PPP3CC: variants seen among roughly 807,000 people sequenced by gnomAD.
PPP3CC encodes serine/threonine-protein phosphatase 2B catalytic subunit gamma isoform.
In PPP3CC, 35 loss-of-function variants were observed where a neutral mutation model predicts 60.3. The ratio of observed to expected loss-of-function variants is 0.58; its 90% CI spans 0.44 to 0.77. PPP3CC has a LOEUF of 0.77. PPP3CC is among the 30% of genes least tolerant of loss of function. The probability of loss-of-function intolerance (pLI) is 0.00; values close to 1 mark genes in which losing one functional copy is unlikely to be tolerated. For missense variants in PPP3CC, 570 were observed against 628.9 expected (o/e 0.91, Z 1.00); for synonymous variants, 206 against 224.3 (o/e 0.92, Z 0.73).
In PPP3CC at chr8:22,513,450, G is replaced by T. The variant is rs764648586; in HGVS notation, c.770+18G>T. On this transcript the variant is annotated intron_variant, in intron 6 of 13. Coordinates refer to ENST00000240139, the MANE Select transcript of PPP3CC (RefSeq NM_005605.5). ...TTCTACAGGTAAGCTAGTCCTTGAG[G>T]TCGAAAATTATGAAAGGAAACTGTA... 6.4e-7 allele frequency: 1 copy of T among 1,559,490 alleles called. No individual in the cohort carries two copies.
intron 4 of PPP3CC, among the ~76,000 whole-genome samples, chr8:22,509,236 T>C (rs1441009789): frequency 6.6e-6 from 1 of 152,212 alleles, no homozygotes; most frequent in Admixed American, 6.5e-5. Context: ...TTCTTCACTT[T>C]ATTCCCCAAA....
At chr8:22,528,928 G>A (rs1839631295) in intron 10 of PPP3CC, among the ~76,000 whole-genome samples, 2 of 152,078 alleles carry the variant, frequency 1.3e-5, no homozygotes, top group Non-Finnish European at 2.9e-5. Context: ...AACTAATCCC[G>A]GTGGTGTTGG....
chr8:22,467,232 A>G lies in PPP3CC; in HGVS notation c.50-7722A>G, dbSNP rs73227867. 4.8e-3 allele frequency among the ~76,000 whole-genome samples: 733 copies of G among 152,290 alleles called. 7 individuals are homozygous for G. The highest frequency in any genetic ancestry group is 0.012 in the Admixed American group (181 of 15,292). ...GGTATTTTAAGGTATTTATTTATGT[A>G]CTTATGCATTGAGATATTTGCCATC... is the stretch of plus-strand genomic sequence containing the variant. On this transcript the variant is annotated intron_variant, in intron 1 of 13. Transcript: ENST00000240139.
rs773227005 is a variant in PPP3CC at position 22,478,540 on chromosome 8, A to G, written c.372+2916A>G. Reference sequence around the variant, plus strand: ...AATAGCTTTAAAATAGTTTTAATTCATTAATACATTCAATAAAGCACATAG... The same window carrying G: ...AATAGCTTTAAAATAGTTTTAATTCGTTAATACATTCAATAAAGCACATAG... On this transcript the variant is annotated intron_variant, in intron 3 of 13. Transcript: ENST00000240139. Among the ~76,000 whole-genome samples the G allele has an allele frequency of 5.1e-4, 78 of 152,228 alleles. 1 individual carries two copies. Among genetic ancestry groups the G allele is most frequent in the Non-Finnish European group, 9.4e-4 (64 of 68,038 alleles).
intron 1 of PPP3CC, among the ~76,000 whole-genome samples, chr8:22,473,929 C>T (rs1468844149): frequency 6.6e-6 from 1 of 152,120 alleles, no homozygotes; most frequent in Non-Finnish European, 1.5e-5. Flanking sequence ...GTGTCTTGCT[C>T]TGTTGCCCAG....
At chr8:22,532,399 A>C in intron 11 of PPP3CC, 93 bp downstream of exon 11, 3 of 1,080,790 alleles carry the variant, frequency 2.8e-6, no homozygotes, top group South Asian at 2.8e-5. Flanking sequence ...ATTGGAATGT[A>C]GTATTGAAAC....
chr8:22,506,273 A>G (rs1353159223), intron 4 of PPP3CC, among the ~76,000 whole-genome samples: 2 of 151,736 alleles, frequency 1.3e-5, no homozygotes, highest in Non-Finnish European at 2.9e-5. Flanking sequence ...CATTTCAAAA[A>G]AAAAGAAGAA....
rs1345432740 is a variant in PPP3CC, at chr8:22,489,733, A to AT, written c.373-8267dup. ...TATAAGTATATATTATATATTATATATATAATAAGTATATATTATATATAA... is the reference window on the plus strand; with the variant it reads ...TATAAGTATATATTATATATTATATATTATAATAAGTATATATTATATATAA... On this transcript the variant is annotated intron_variant, in intron 3 of 13. Coordinates refer to ENST00000240139, the MANE Select transcript of PPP3CC (RefSeq NM_005605.5). 1.6e-3 allele frequency among the ~76,000 whole-genome samples: 76 copies of AT among 47,350 alleles called. No homozygotes were observed. The East Asian group carries it at 0.034, about 21-fold the overall frequency. 31.1% of individuals were successfully genotyped at this position (47,350 alleles called of 152,430 possible).
intron 3 of PPP3CC, among the ~76,000 whole-genome samples, chr8:22,489,987 A>T (rs2132496574): frequency 6.7e-6 from 1 of 149,418 alleles, no homozygotes; most frequent in South Asian, 2.1e-4. Context: ...ACGCCCAGCA[A>T]TTTTTTTTTG....
At chr8:22,496,682 A>G (rs1002950813) in intron 3 of PPP3CC, among the ~76,000 whole-genome samples, 1 of 150,718 alleles carries the variant, frequency 6.6e-6, no homozygotes, top group Non-Finnish European at 1.5e-5. Flanking sequence ...ATTTTTAGTG[A>G]GACGGGGTTT....
chr8:22,522,465 T>G, intron 6 of PPP3CC, 26 bp from the exon 7 acceptor site: 1 of 1,562,582 alleles, frequency 6.4e-7, no homozygotes, highest in Non-Finnish European at 8.7e-7. Flanking sequence ...AATTCTGGAT[T>G]TATGTTTTCT....
At chr8:22,536,698 GT>G (rs374669963) in intron 12 of PPP3CC, among the ~76,000 whole-genome samples, 63 of 152,178 alleles carry the variant, frequency 4.1e-4, no homozygotes, top group African/African-American at 1.5e-3. Flanking sequence ...CAGGAAGTGA[GT>G]TTATTTTGTT....
intron 5 of PPP3CC, among the ~76,000 whole-genome samples, chr8:22,511,949 G>A (rs1161944396): frequency 6.6e-6 from 1 of 150,410 alleles, no homozygotes; most frequent in Non-Finnish European, 1.5e-5. Context: ...TGCCAGCTCC[G>A]AAATGCATTG....
chr8:22,494,030 A>G (rs1838487769), intron 3 of PPP3CC, among the ~76,000 whole-genome samples: 1 of 152,092 alleles, frequency 6.6e-6, no homozygotes, highest in Non-Finnish European at 1.5e-5. Context: ...TTTTCAGTTC[A>G]TTTTAATTTT....
At chr8:22,528,700 A>C (rs1839626613) in intron 10 of PPP3CC, 123 bp downstream of exon 10, 8 of 743,776 alleles carry the variant, frequency 1.1e-5, no homozygotes, top group Admixed American at 3.6e-5. Flanking sequence ...TTGTAGAAAA[A>C]TAAAATTTGA....
chr8:22,462,802 T>G (rs1563689621), intron 1 of PPP3CC, among the ~76,000 whole-genome samples: 1 of 152,114 alleles, frequency 6.6e-6, no homozygotes, highest in Non-Finnish European at 1.5e-5. Flanking sequence ...ATGTTCTTTT[T>G]CTTAGATGAT....
intron 10 of PPP3CC, among the ~76,000 whole-genome samples, chr8:22,530,829 C>CAAAAAAAAAAAA (rs58626647): frequency 6.9e-5 from 4 of 58,044 alleles, no homozygotes; most frequent in African/African-American, 2.1e-4. Flanking sequence ...AGACTCATCT[C>CAAAAAAAAAAAA]AAAAAAAAAA....
At chr8:22,479,370 T>C (rs1398744295) in intron 3 of PPP3CC, among the ~76,000 whole-genome samples, 2 of 152,180 alleles carry the variant, frequency 1.3e-5, no homozygotes, top group Non-Finnish European at 2.9e-5. Flanking sequence ...GTATATATTT[T>C]GTTTTCAAGA....
intron 2 of PPP3CC, 23 bp from the exon 3 acceptor site, chr8:22,475,477 T>C (rs773222138): frequency 6.3e-7 from 1 of 1,597,972 alleles, no homozygotes; most frequent in Non-Finnish European, 8.5e-7. Flanking sequence ...ATTTCTCACA[T>C]CACTTTATGC....
Sources: allele counts gnomAD v4.1 joint callset (sites outside exome capture counted in the v4.1 genomes callset), GRCh38; gene constraint gnomAD v4.1.1; transcripts MANE v1.5; gene names NCBI Gene and HGNC (gene_info 2026-07-23, HGNC 2026-07-21).